NUBPL: variants seen among roughly 807,000 people sequenced by gnomAD.
NUBPL encodes the protein NUBP iron-sulfur cluster assembly factor, mitochondrial, also known as iron-sulfur cluster transfer protein NUBPL.
Under a neutral mutation model 45.7 loss-of-function variants are expected in NUBPL, and 31 were observed. The ratio of observed to expected loss-of-function variants is 0.68; its 90% confidence interval spans 0.51 to 0.92. NUBPL has a LOEUF of 0.92. Among genes scored for constraint, NUBPL ranks in the 40% least tolerant of loss-of-function variants. The pLI, the probability that NUBPL is intolerant of heterozygous loss-of-function variation, is 0.00. For synonymous variants in NUBPL, 144 were observed against 140.9 expected, an observed-to-expected ratio of 1.02 and a Z score of -0.15; for missense variants, 401 against 398.7, an observed-to-expected ratio of 1.01 and a Z score of -0.05.
chr14:31,843,358 C>T (rs112475974), intron 8 of NUBPL, among the ~76,000 whole-genome samples: 26 of 152,300 alleles, frequency 1.7e-4, no homozygotes, highest in African/African-American at 5.5e-4. Context: ...AAAGTTGACA[C>T]CTCTCTCATG....
intron 4 of NUBPL, among the ~76,000 whole-genome samples, chr14:31,648,810 C>T (rs377191287): frequency 2.0e-5 from 3 of 152,088 alleles, no homozygotes; most frequent in South Asian, 2.1e-4. Flanking sequence ...TCCTCAGGAT[C>T]GAAGTCTTGT....
intron 7 of NUBPL, among the ~76,000 whole-genome samples, chr14:31,792,431 A>AG (rs1236801192): frequency 1.3e-5 from 2 of 152,060 alleles, no homozygotes; most frequent in Non-Finnish European, 2.9e-5. Context: ...TTCATCTTTT[A>AG]GGAGTATAGC....
At chr14:31,823,828 A>G (rs1045884116) in intron 7 of NUBPL, among the ~76,000 whole-genome samples, 1 of 152,162 alleles carries the variant, frequency 6.6e-6, no homozygotes, top group African/African-American at 2.4e-5. Context: ...AAACAGATTA[A>G]TAAGAGAATC....
At chr14:31,617,508 G>A (rs1330238536) in intron 4 of NUBPL, among the ~76,000 whole-genome samples, 2 of 152,116 alleles carry the variant, frequency 1.3e-5, no homozygotes, top group African/African-American at 4.8e-5. Context: ...TTTGTTGAAG[G>A]CCTTTTCTGC....
chr14:31,714,060 A>G (rs907053515), intron 6 of NUBPL, among the ~76,000 whole-genome samples: 5 of 152,246 alleles, frequency 3.3e-5, no homozygotes, highest in Admixed American at 6.5e-5. Context: ...AGGTCTAGAA[A>G]GTCAAAAGAT....
intron 4 of NUBPL, 138 bp from the exon 5 acceptor site, chr14:31,673,217 C>A: frequency 1.5e-6 from 1 of 672,746 alleles, no homozygotes. Flanking sequence ...TGTATCATAA[C>A]ATTACGTTGT....
chr14:31,648,454 T>G (rs1189572335), intron 4 of NUBPL, among the ~76,000 whole-genome samples: 1 of 152,212 alleles, frequency 6.6e-6, no homozygotes. Context: ...TTGGTAAGCA[T>G]ACTACCTATG....
At chr14:31,637,547 G>A (rs1566465409) in intron 4 of NUBPL, among the ~76,000 whole-genome samples, 1 of 152,094 alleles carries the variant, frequency 6.6e-6, no homozygotes, top group Non-Finnish European at 1.5e-5. Flanking sequence ...GTGTGGTGCT[G>A]AAAAAAATGT....
rs945782279 is a variant in NUBPL, at chr14:31,771,880, G to A, written c.514-15900G>A. The stretch of plus-strand genomic sequence containing the variant: ...ATGTGACCACAGATGGCAGGTAGGT[G>A]GAACTGAGGAATAAACTTGGTTGGG... On this transcript the variant is annotated intron_variant, in intron 6 of 10. Coordinates refer to ENST00000281081, the MANE Select transcript of NUBPL (RefSeq NM_025152.3). 3 of 985,194 alleles carry A rather than the reference G, an allele frequency of 3.0e-6. No homozygotes were observed. In the African/African-American group the frequency reaches 5.2e-5, roughly 17 times the overall value. The allele number at this position is 985,194 out of a possible 1,614,324, so 61.0% of individuals were successfully genotyped here. A position where few individuals can be genotyped will look rare whatever the true frequency, so the allele number is the denominator to read the frequency against.
intron 4 of NUBPL, among the ~76,000 whole-genome samples, chr14:31,623,249 T>C (rs2035115277): frequency 1.3e-5 from 2 of 152,212 alleles, no homozygotes; most frequent in South Asian, 4.1e-4. Flanking sequence ...AGTACCCCCA[T>C]TGTATCTTGC....
At chr14:31,641,910 A>G (rs1474874577) in intron 4 of NUBPL, among the ~76,000 whole-genome samples, 1 of 152,150 alleles carries the variant, frequency 6.6e-6, no homozygotes, top group Non-Finnish European at 1.5e-5. Flanking sequence ...TGTGGTTTTG[A>G]TTTGCATTTC....
At chr14:31,751,690 C>T (rs2038532872) in intron 6 of NUBPL, among the ~76,000 whole-genome samples, 1 of 152,210 alleles carries the variant, frequency 6.6e-6, no homozygotes, top group Admixed American at 6.5e-5. Context: ...ATCTACCATG[C>T]TGGGGTCTGG....
intron 3 of NUBPL, among the ~76,000 whole-genome samples, chr14:31,596,198 C>T (rs956860705): frequency 4.6e-5 from 7 of 152,014 alleles, no homozygotes; most frequent in Non-Finnish European, 8.8e-5. Context: ...CCACCGCGCC[C>T]GGCCTGGACA....
chr14:31,657,981 A>G (rs2036180038), intron 4 of NUBPL, among the ~76,000 whole-genome samples: 1 of 152,226 alleles, frequency 6.6e-6, no homozygotes, highest in Non-Finnish European at 1.5e-5. Context: ...ATAAACAGAA[A>G]GATTGAGAAT....
At chr14:31,619,151 C>G (rs935699073) in intron 4 of NUBPL, among the ~76,000 whole-genome samples, 1 of 152,072 alleles carries the variant, frequency 6.6e-6, no homozygotes, top group Non-Finnish European at 1.5e-5. Context: ...ATATTCCTCC[C>G]TCCCTTTATT....
At chr14:31,820,696 C>T (rs574658729) in intron 7 of NUBPL, among the ~76,000 whole-genome samples, 12 of 150,674 alleles carry the variant, frequency 8.0e-5, no homozygotes, top group South Asian at 2.1e-4. Flanking sequence ...TGGTGGTGGG[C>T]GCCTGTAATC....
At chr14:31,834,474 T>C (rs2043115) in intron 8 of NUBPL, among the ~76,000 whole-genome samples, 63,449 of 152,056 alleles carry the variant, frequency 0.42, 15,688 homozygotes, top group East Asian at 0.69. Context: ...CCACTGCGCC[T>C]GGCCGGTCTG....
intron 7 of NUBPL, among the ~76,000 whole-genome samples, chr14:31,809,308 T>C (rs1163295723): frequency 6.6e-6 from 1 of 152,192 alleles, no homozygotes; most frequent in Non-Finnish European, 1.5e-5. Context: ...TGTTACTCGC[T>C]ATTCAGAGAT....
intron 4 of NUBPL, among the ~76,000 whole-genome samples, chr14:31,620,830 C>G (rs898983680): frequency 6.6e-6 from 1 of 152,226 alleles, no homozygotes; most frequent in South Asian, 2.1e-4. Context: ...ATCTGCTGCT[C>G]TCTTCAGAGC....
Sources: allele counts gnomAD v4.1 joint callset (sites outside exome capture counted in the v4.1 genomes callset), GRCh38; gene constraint gnomAD v4.1.1; transcripts MANE v1.5; gene names NCBI Gene and HGNC (gene_info 2026-07-23, HGNC 2026-07-21).